Variants in NOL4 observed in about 807,000 individuals in gnomAD.
The protein encoded by NOL4 is nucleolar protein 4.
In NOL4, 17 loss-of-function variants were observed where a neutral mutation model predicts 75.9. The ratio of observed to expected loss-of-function variants is 0.22; its 90% CI spans 0.15 to 0.34. NOL4 has a LOEUF of 0.34. Among genes scored for constraint, NOL4 ranks in the 10% least tolerant of loss-of-function variants. NOL4 has a pLI of 1.00. For synonymous variants in NOL4, 292 were observed against 289.9 expected, an observed-to-expected ratio of 1.01 and a Z score of -0.07; for missense variants, 614 against 793.5, an observed-to-expected ratio of 0.77 and a Z score of 2.72.
Position 34,073,309 on chromosome 18 carries a change from A to T in NOL4, c.772+20156T>A, listed in dbSNP as rs1340272308. On this transcript the variant is annotated intron_variant, in intron 5 of 10. Transcript: ENST00000261592. Reference sequence around the variant, plus strand: ...TCTGAACACTTTAAGCCAATAAATTAGGCAAATTAGATAAAATAGAGAGGT... The same window carrying T: ...TCTGAACACTTTAAGCCAATAAATTTGGCAAATTAGATAAAATAGAGAGGT... Among the ~76,000 whole-genome samples, 3 of 152,058 alleles carry T rather than the reference A, an allele frequency of 2.0e-5. No individual in the cohort carries two copies. The East Asian group carries it at 5.8e-4, about 29-fold the overall frequency.
chr18:33,856,963 G>T (rs1353551498), intron 10 of NOL4, among the ~76,000 whole-genome samples: 1 of 151,884 alleles, frequency 6.6e-6, no homozygotes, highest in Non-Finnish European at 1.5e-5. Flanking sequence ...TATTAATGAA[G>T]ATTTGTAGTG....
chr18:34,024,181 G>GAAA lies in NOL4; in HGVS notation c.773-4583_773-4581dup, dbSNP rs200128545. Among the ~76,000 whole-genome samples, 699 of 86,616 alleles carry GAAA rather than the reference G, an allele frequency of 8.1e-3. 47 individuals are homozygous for GAAA. The highest frequency in any genetic ancestry group is 0.017 in the Middle Eastern group (3 of 174). 56.8% of individuals were successfully genotyped at this position (86,616 alleles called of 152,430 possible). A position where few individuals can be genotyped will look rare whatever the true frequency, so the allele number is the denominator to read the frequency against. ...CAAGTGCCTTAGGCAAAATAAACAG[G>GAAA]AAAAAAAAAAAAAATATATATATAT... is the stretch of plus-strand genomic sequence containing the variant. On this transcript the variant is annotated intron_variant, in intron 5 of 10. Transcript: ENST00000261592.
chr18:34,165,243 T>TAA (rs147879576), intron 1 of NOL4, among the ~76,000 whole-genome samples: 2 of 150,386 alleles, frequency 1.3e-5, no homozygotes, highest in South Asian at 2.1e-4. Context: ...AGTATAATAA[T>TAA]AATAAAATAA....
At position 34,130,570 on chromosome 18, in the gene NOL4, T is replaced by C. The variant is rs61375206; in HGVS notation, c.265-550A>G. On this transcript the variant is annotated intron_variant, in intron 1 of 10. Transcript: ENST00000261592. Reference sequence around the variant, plus strand: ...AGGTTAAAAACATGAGCTCTAGAAATTATCTATGTGAAATTTAGATCTTCT... The same window carrying C: ...AGGTTAAAAACATGAGCTCTAGAAACTATCTATGTGAAATTTAGATCTTCT... Among the ~76,000 whole-genome samples the C allele has an allele frequency of 5.2e-3, 789 of 152,132 alleles. 21 individuals are homozygous for C. Among genetic ancestry groups the C allele is most frequent in the East Asian group, 0.046 (237 of 5,172 alleles).
intron 9 of NOL4, among the ~76,000 whole-genome samples, chr18:33,906,846 T>G (rs2066079102): frequency 6.6e-6 from 1 of 152,206 alleles, no homozygotes. Flanking sequence ...CAGAATATAC[T>G]GTTCTTTTTA....
At chr18:33,866,177 T>G (rs1340619136) in intron 10 of NOL4, among the ~76,000 whole-genome samples, 3 of 152,160 alleles carry the variant, frequency 2.0e-5, no homozygotes, top group Admixed American at 2.0e-4. Context: ...GAGGGCAATT[T>G]TGAATGTTTA....
rs147860007 is a variant in NOL4, at chr18:34,018,084, A to C, written c.1056+1234T>G. ...AACTATCGAATAATTTTAGAAAAAAATTTAATAGACACATAGCATAGAAAG... is the reference window on the plus strand; with the variant it reads ...AACTATCGAATAATTTTAGAAAAAACTTTAATAGACACATAGCATAGAAAG... On this transcript the variant is annotated intron_variant, in intron 6 of 10. Coordinates refer to ENST00000261592, the MANE Select transcript of NOL4 (RefSeq NM_003787.5). Among the ~76,000 whole-genome samples, 381 of 152,330 alleles carry C rather than the reference A, an allele frequency of 2.5e-3. 5 individuals are homozygous for C. The highest frequency in any genetic ancestry group is 7.8e-3 in the African/African-American group (326 of 41,584).
chr18:34,034,862 G>A (rs891446705), intron 5 of NOL4, among the ~76,000 whole-genome samples: 2 of 150,574 alleles, frequency 1.3e-5, no homozygotes, highest in South Asian at 2.1e-4. Flanking sequence ...GGACAAAGAA[G>A]GTCATTATGT....
intron 4 of NOL4, among the ~76,000 whole-genome samples, chr18:34,097,090 C>T (rs1447897053): frequency 1.3e-5 from 2 of 152,180 alleles, no homozygotes; most frequent in Non-Finnish European, 1.5e-5. Flanking sequence ...TTTCTCTACA[C>T]CAGTCCTGCC....
At chr18:34,209,230 A>T (rs2036343983) in intron 1 of NOL4, among the ~76,000 whole-genome samples, 1 of 151,388 alleles carries the variant, frequency 6.6e-6, no homozygotes, top group South Asian at 2.1e-4. Context: ...AAGTAAAATC[A>T]CATGTTATAT....
chr18:34,130,998 T>C (rs1384044202), intron 1 of NOL4, among the ~76,000 whole-genome samples: 2 of 151,718 alleles, frequency 1.3e-5, no homozygotes, highest in Non-Finnish European at 2.9e-5. Flanking sequence ...ATAAAGTTAA[T>C]CTTACATGAC....
At chr18:34,120,141 T>A (rs553135612) in intron 2 of NOL4, among the ~76,000 whole-genome samples, 3 of 152,298 alleles carry the variant, frequency 2.0e-5, no homozygotes, top group East Asian at 3.9e-4. Context: ...CTGAAGGTAA[T>A]TTTAACTTTG....
At chr18:33,865,463 C>T (rs2063385462) in intron 10 of NOL4, among the ~76,000 whole-genome samples, 1 of 151,904 alleles carries the variant, frequency 6.6e-6, no homozygotes, top group East Asian at 1.9e-4. Flanking sequence ...AGATATGGAG[C>T]CCACTGACAC....
In NOL4 at chr18:34,211,312, A is replaced by G. The variant is rs1278208556; in HGVS notation, c.264+11678T>C. Among the ~76,000 whole-genome samples, 3 of 152,194 alleles carry G rather than the reference A, an allele frequency of 2.0e-5. No individual in the cohort carries two copies. The East Asian group carries it at 5.8e-4, about 29-fold the overall frequency. ...AAAAATGAGCAACAACATAGCAAAA[A>G]TTCTTTCTTGGCCTCAGGTAAACAA... On this transcript the variant is annotated intron_variant, in intron 1 of 10. Coordinates refer to ENST00000261592, the MANE Select transcript of NOL4 (RefSeq NM_003787.5).
intron 6 of NOL4, among the ~76,000 whole-genome samples, chr18:33,995,469 AATCAT>A (rs2073209752): frequency 6.6e-6 from 1 of 151,640 alleles, no homozygotes; most frequent in Non-Finnish European, 1.5e-5. Flanking sequence ...AAAAACTGTC[AATCAT>A]ATCAACAGAA....
chr18:34,168,959 A>G (rs1186665057), intron 1 of NOL4, among the ~76,000 whole-genome samples: 4 of 151,996 alleles, frequency 2.6e-5, no homozygotes, highest in African/African-American at 9.6e-5. Flanking sequence ...ACAATATCTT[A>G]TAAAAAATTA....
At chr18:34,061,963 CTG>C (rs1306103452) in intron 5 of NOL4, among the ~76,000 whole-genome samples, 1 of 151,952 alleles carries the variant, frequency 6.6e-6, no homozygotes, top group Non-Finnish European at 1.5e-5. Context: ...AAGGAAATAA[CTG>C]TGTATTATTC....
intron 6 of NOL4, among the ~76,000 whole-genome samples, chr18:33,986,630 G>C (rs2072478377): frequency 6.6e-6 from 1 of 152,134 alleles, no homozygotes; most frequent in African/African-American, 2.4e-5. Context: ...CCAAACCAAA[G>C]ATCGGGGGAC....
At chr18:33,909,098 T>C (rs1327327809) in intron 9 of NOL4, among the ~76,000 whole-genome samples, 1 of 152,156 alleles carries the variant, frequency 6.6e-6, no homozygotes, top group Non-Finnish European at 1.5e-5. Flanking sequence ...TGTTCTCTAC[T>C]GTAACTTCTC....
Sources: allele counts gnomAD v4.1 joint callset (sites outside exome capture counted in the v4.1 genomes callset), GRCh38; gene constraint gnomAD v4.1.1; transcripts MANE v1.5; gene names NCBI Gene and HGNC (gene_info 2026-07-23, HGNC 2026-07-21).